Variants in MDGA2 observed in about 807,000 individuals in gnomAD.
MDGA2 encodes the protein MAM domain containing glycosylphosphatidylinositol anchor 2, also known as MAM domain-containing glycosylphosphatidylinositol anchor protein 2.
Under a neutral mutation model 117.8 loss-of-function variants are expected in MDGA2, and 40 were observed. That is an observed-to-expected ratio of 0.34 (90% CI 0.26 to 0.44). The LOEUF is 0.44. MDGA2 is among the 20% of genes least tolerant of loss of function. The pLI is 1.00. For synonymous variants in MDGA2, 452 were observed against 439.0 expected, an observed-to-expected ratio of 1.03 and a Z score of -0.37; for missense variants, 1,123 against 1,250.6, an observed-to-expected ratio of 0.90 and a Z score of 1.54.
chr14:47,662,530 G>A (rs1373623808), intron 1 of MDGA2, among the ~76,000 whole-genome samples: 1 of 151,990 alleles, frequency 6.6e-6, no homozygotes, highest in Non-Finnish European at 1.5e-5. Context: ...TATCAATGAC[G>A]ACAGAAAGTA....
chr14:47,406,793 A>G (rs2138476124), intron 1 of MDGA2, among the ~76,000 whole-genome samples: 1 of 152,174 alleles, frequency 6.6e-6, no homozygotes, highest in South Asian at 2.1e-4. Flanking sequence ...CTGCATCCTT[A>G]CTGAAGAGAA....
At chr14:47,119,168 A>T in intron 5 of MDGA2, among the ~76,000 whole-genome samples, 1 of 8,560 alleles carries the variant, frequency 1.2e-4, no homozygotes, top group African/African-American at 1.8e-4. Context: ...CTCCTGCCTC[A>T]GCCCCGCCCC....
chr14:47,628,900 C>T (rs953377514), intron 1 of MDGA2, among the ~76,000 whole-genome samples: 12 of 152,222 alleles, frequency 7.9e-5, no homozygotes, highest in Non-Finnish European at 1.8e-4. Flanking sequence ...ATATAAAGGT[C>T]AGCCCCATAT....
intron 8 of MDGA2, among the ~76,000 whole-genome samples, chr14:46,985,134 C>T (rs1215549559): frequency 1.3e-5 from 2 of 152,058 alleles, no homozygotes; most frequent in Non-Finnish European, 1.5e-5. Flanking sequence ...AAACTACTGA[C>T]CTTCTGTGGG....
At position 47,107,791 on chromosome 14, in the gene MDGA2, T is replaced by C. The variant is rs1880801033; in HGVS notation, c.926-10668A>G. On this transcript the variant is annotated intron_variant, in intron 5 of 16. Transcript: ENST00000399232. ...CCTGTAGCCTTTCTCTCCAAACAAC[T>C]TGACCTTACTGTTTTAGCCTAGCCC... is the stretch of plus-strand genomic sequence containing the variant. 2.0e-5 allele frequency among the ~76,000 whole-genome samples: 3 copies of C among 150,888 alleles called. No homozygotes were observed. In the South Asian group the frequency reaches 6.3e-4, roughly 32 times the overall value.
At position 47,415,475 on chromosome 14, in the gene MDGA2, G is replaced by A. The variant is rs556649119; in HGVS notation, c.281-113925C>T. ...TTAGAGAGGGAGAGATCACATTCAT[G>A]TAAGTTTTATTTCAGTATATAGTTA... is the stretch of plus-strand genomic sequence containing the variant. On this transcript the variant is annotated intron_variant, in intron 1 of 16. Transcript: ENST00000399232. 6.6e-5 allele frequency among the ~76,000 whole-genome samples: 10 copies of A among 152,122 alleles called. No individual in the cohort carries two copies. The South Asian group carries it at 2.1e-3, about 32-fold the overall frequency.
intron 6 of MDGA2, among the ~76,000 whole-genome samples, chr14:47,075,096 C>T (rs566047773): frequency 7.9e-5 from 12 of 152,208 alleles, no homozygotes; most frequent in African/African-American, 2.2e-4. Flanking sequence ...GTTGGATTTG[C>T]CTTGTATGAC....
At chr14:47,363,584 T>C (rs1891171919) in intron 1 of MDGA2, among the ~76,000 whole-genome samples, 1 of 152,058 alleles carries the variant, frequency 6.6e-6, no homozygotes, top group Non-Finnish European at 1.5e-5. Context: ...ACACACCAAA[T>C]ACTGACACAA....
intron 7 of MDGA2, among the ~76,000 whole-genome samples, chr14:47,049,666 T>C (rs1006360768): frequency 5.9e-5 from 9 of 152,032 alleles, no homozygotes; most frequent in Non-Finnish European, 1.3e-4. Flanking sequence ...CAGTTCAAGA[T>C]TGATTGAATT....
chr14:46,899,659 ATG>A (rs1883210987), intron 10 of MDGA2, among the ~76,000 whole-genome samples: 1 of 152,096 alleles, frequency 6.6e-6, no homozygotes, highest in Non-Finnish European at 1.5e-5. Flanking sequence ...TTTAACCGAA[ATG>A]TAAGACAAAA....
intron 1 of MDGA2, among the ~76,000 whole-genome samples, chr14:47,463,667 C>T (rs1421402440): frequency 2.0e-5 from 3 of 152,002 alleles, no homozygotes; most frequent in South Asian, 2.1e-4. Flanking sequence ...TCTTAATTTC[C>T]AAGCAAACTT....
chr14:47,245,044 G>A lies in MDGA2; in HGVS notation c.421-26849C>T, dbSNP rs141505673. On this transcript the variant is annotated intron_variant, in intron 2 of 16. Transcript: ENST00000399232. ...TCTTTTTTTATTTGTTTGTTTTTGA[G>A]ACAAAGTCTCACTCTGTCACCCAGG... Among the ~76,000 whole-genome samples, 339 of 151,686 alleles carry A rather than the reference G, an allele frequency of 2.2e-3. 4 individuals carry two copies. Among genetic ancestry groups the A allele is most frequent in the African/African-American group, 7.7e-3 (319 of 41,426 alleles).
At chr14:46,872,005 C>G (rs979391226) in intron 14 of MDGA2, 7 of 211,814 alleles carry the variant, frequency 3.3e-5, no homozygotes, top group African/African-American at 1.6e-4. Flanking sequence ...TAAAACAAAA[C>G]AAAAAAACCC....
Position 47,348,462 on chromosome 14 carries a change from T to C in MDGA2, c.281-46912A>G, listed in dbSNP as rs764515360. Among the ~76,000 whole-genome samples, 58 of 152,258 alleles carry C rather than the reference T, an allele frequency of 3.8e-4. No homozygotes were observed. The Middle Eastern group carries it at 0.017, about 45-fold the overall frequency. On this transcript the variant is annotated intron_variant, in intron 1 of 16. Coordinates refer to ENST00000399232, the MANE Select transcript of MDGA2 (RefSeq NM_001113498.3). ...CCTGACTTCAGGTGATCCGCCCACCTCAGCCTCCCAAAATGCTGGGAGTAT... is the reference window on the plus strand; with the variant it reads ...CCTGACTTCAGGTGATCCGCCCACCCCAGCCTCCCAAAATGCTGGGAGTAT...
chr14:47,061,608 G>A (rs1304692672), intron 6 of MDGA2, 30 bp from the exon 7 acceptor site: 16 of 1,544,692 alleles, frequency 1.0e-5, no homozygotes, highest in Non-Finnish European at 1.1e-5. Flanking sequence ...TAAGGAGTTA[G>A]TGTTACTTTC....
At chr14:47,310,353 T>C (rs919191797) in intron 1 of MDGA2, among the ~76,000 whole-genome samples, 6 of 152,160 alleles carry the variant, frequency 3.9e-5, no homozygotes, top group Non-Finnish European at 7.4e-5. Flanking sequence ...CAGTCACGCA[T>C]AGCCATCGGT....
At chr14:47,357,979 T>C (rs1300550364) in intron 1 of MDGA2, among the ~76,000 whole-genome samples, 2 of 152,246 alleles carry the variant, frequency 1.3e-5, no homozygotes, top group South Asian at 2.1e-4. Flanking sequence ...CCATAGTCCC[T>C]GGGTTTTCTG....
chr14:47,317,708 T>C (rs1196355755), intron 1 of MDGA2, among the ~76,000 whole-genome samples: 2 of 152,046 alleles, frequency 1.3e-5, no homozygotes, highest in South Asian at 4.1e-4. Context: ...ACCACAAGAC[T>C]GTCCCTATGC....
intron 3 of MDGA2, among the ~76,000 whole-genome samples, chr14:47,210,030 G>T (rs774930576): frequency 1.9e-4 from 29 of 152,054 alleles, no homozygotes; most frequent in Non-Finnish European, 4.0e-4. Context: ...CAAGTTGATG[G>T]TTCCAATAAA....
Sources: allele counts gnomAD v4.1 joint callset (sites outside exome capture counted in the v4.1 genomes callset), GRCh38; gene constraint gnomAD v4.1.1; transcripts MANE v1.5; gene names NCBI Gene and HGNC (gene_info 2026-07-23, HGNC 2026-07-21).